Variants in AEBP2 observed in about 807,000 individuals in gnomAD.
AEBP2 encodes the protein zinc finger protein AEBP2.
A neutral mutation model predicts 50.8 loss-of-function variants in AEBP2; 10 were observed. That is an observed-to-expected ratio of 0.20 (90% CI 0.12 to 0.33). The LOEUF is 0.33. Among genes scored for constraint, AEBP2 ranks in the 10% least tolerant of loss-of-function variants. The pLI, the probability that AEBP2 is intolerant of heterozygous loss-of-function variation, is 1.00. For missense variants in AEBP2, 570 were observed against 688.0 expected (o/e 0.83, Z 1.92); for synonymous variants, 296 against 261.3 (o/e 1.13, Z -1.28).
chr12:19,439,583 C>T lies in AEBP2; in HGVS notation c.-117C>T. 7.4e-7 allele frequency: 1 copy of T among 1,359,972 alleles called. No individual in the cohort carries two copies. The highest frequency in any genetic ancestry group is 9.7e-7 in the Non-Finnish European group (1 of 1,025,910). The allele number at this position is 1,359,972 out of a possible 1,614,324, so 84.2% of individuals were successfully genotyped here. A position where few individuals can be genotyped will look rare whatever the true frequency, so the allele number is the denominator to read the frequency against. On this transcript the variant is annotated 5_prime_UTR_variant, in exon 1 of 8. Coordinates refer to ENST00000266508, the MANE Select transcript of AEBP2 (RefSeq NM_153207.5). Reference sequence around the variant, plus strand: ...CTGACGCAGCTCGCGGGCCCTCCTCCTGCTCTGCAGCGGCGTCGGCGGAGT... The same window carrying T: ...CTGACGCAGCTCGCGGGCCCTCCTCTTGCTCTGCAGCGGCGTCGGCGGAGT...
At chr12:19,412,686 G>A (rs181700608) in intron 1 of AEBP2, among the ~76,000 whole-genome samples, 1 of 152,100 alleles carries the variant, frequency 6.6e-6, no homozygotes, top group African/African-American at 2.4e-5. Flanking sequence ...CTCCTGCCTC[G>A]GCCTCGCAAA....
At chr12:19,435,565 T>C (rs1170902518), upstream of AEBP2, among the ~76,000 whole-genome samples, 1 of 152,108 alleles carries the variant, frequency 6.6e-6, no homozygotes, top group Non-Finnish European at 1.5e-5. Context: ...TTCATGTCCT[T>C]CTTCAATCTA....
rs1948598786 is a variant in AEBP2 at position 19,473,362 on chromosome 12, A to T, written c.987+7A>T. 4 of 1,159,138 alleles carry T rather than the reference A, an allele frequency of 3.5e-6. No individual in the cohort carries two copies. In the South Asian group the frequency reaches 6.7e-5, roughly 19 times the overall value. 71.8% of individuals were successfully genotyped at this position (1,159,138 alleles called of 1,614,324 possible). On this transcript the variant is annotated splice_region_variant and intron_variant, in intron 3 of 7. Transcript: ENST00000266508. The stretch of plus-strand genomic sequence containing the variant: ...TGGAGACAAACCTTTCAAGGTAAGG[A>T]TGCATGTATATAAAATTTATTTATT...
At chr12:19,433,907 C>T (rs376837640) in intron 1 of AEBP2, among the ~76,000 whole-genome samples, 5 of 151,854 alleles carry the variant, frequency 3.3e-5, no homozygotes, top group South Asian at 2.1e-4. Flanking sequence ...AGTGTAGTGG[C>T]GCGATCTCGG....
chr12:19,440,645 T>A (rs190801063), intron 1 of AEBP2: 3 of 1,529,272 alleles, frequency 2.0e-6, no homozygotes, highest in Non-Finnish European at 2.6e-6. Context: ...AGGACGGCTC[T>A]AACTCGGAAA....
At chr12:19,455,434 A>C (rs1948251408) in intron 1 of AEBP2, among the ~76,000 whole-genome samples, 1 of 152,204 alleles carries the variant, frequency 6.6e-6, no homozygotes, top group Admixed American at 6.5e-5. Context: ...AGTTACTTTA[A>C]GACCATAGTT....
rs542762646 is a variant in AEBP2, at chr12:19,520,568, T to A, written c.*2451T>A. ...ATTTTAATTTGTGGTTTTCATTTAT[T>A]AATGTCTGCCCATCTGTATTGTTGC... On this transcript the variant is annotated 3_prime_UTR_variant, in exon 8 of 8. Coordinates refer to ENST00000266508, the MANE Select transcript of AEBP2 (RefSeq NM_153207.5). The A allele has an allele frequency of 6.6e-6, 1 of 152,350 alleles. No homozygotes were observed. Among genetic ancestry groups the A allele is most frequent in the South Asian group, 2.1e-4 (1 of 4,828 alleles). 9.4% of individuals were successfully genotyped at this position (152,350 alleles called of 1,614,324 possible). A position where few individuals can be genotyped will look rare whatever the true frequency, so the allele number is the denominator to read the frequency against.
chr12:19,466,854 A>G (rs1948485539), intron 2 of AEBP2: 1 of 931,292 alleles, frequency 1.1e-6, no homozygotes, highest in Non-Finnish European at 1.3e-6. Flanking sequence ...TGGAGCAGTA[A>G]GTTAGCAAGA....
At chr12:19,494,044 C>G (rs1001357161) in intron 4 of AEBP2, 58 bp downstream of exon 4, 1 of 1,486,552 alleles carries the variant, frequency 6.7e-7, no homozygotes. Flanking sequence ...ATATCTTAGA[C>G]TTTTATGCAA....
At chr12:19,491,229 A>C (rs1056838872) in intron 3 of AEBP2, among the ~76,000 whole-genome samples, 26 of 152,304 alleles carry the variant, frequency 1.7e-4, no homozygotes, top group Admixed American at 1.6e-3. Flanking sequence ...TAAATATAGA[A>C]ATCATTAAAT....
intron 5 of AEBP2, among the ~76,000 whole-genome samples, chr12:19,510,400 A>G (rs909596885): frequency 6.6e-6 from 1 of 152,150 alleles, no homozygotes; most frequent in Non-Finnish European, 1.5e-5. Flanking sequence ...CATGTGTCCT[A>G]TGTATAATTG....
chr12:19,427,897 T>A (rs1299143348), intron 1 of AEBP2, among the ~76,000 whole-genome samples: 2 of 152,118 alleles, frequency 1.3e-5, no homozygotes, highest in Non-Finnish European at 2.9e-5. Flanking sequence ...TTACCTGCAC[T>A]AATTAGGATT....
intron 4 of AEBP2, among the ~76,000 whole-genome samples, chr12:19,495,029 C>A (rs958751038): frequency 2.0e-5 from 3 of 152,112 alleles, no homozygotes; most frequent in Non-Finnish European, 4.4e-5. Context: ...TCTCAGCCTT[C>A]CGAGCAGCTG....
chr12:19,484,804 G>A (rs1168363392), intron 3 of AEBP2, among the ~76,000 whole-genome samples: 1 of 152,018 alleles, frequency 6.6e-6, no homozygotes, highest in African/African-American at 2.4e-5. Flanking sequence ...AAAAATGAAG[G>A]AGGTAGTAAA....
chr12:19,511,016 G>A (rs993671974), intron 5 of AEBP2, among the ~76,000 whole-genome samples: 2 of 151,648 alleles, frequency 1.3e-5, no homozygotes, highest in Non-Finnish European at 2.9e-5. Flanking sequence ...CTAATTTTTT[G>A]TATTGAGACA....
intron 3 of AEBP2, among the ~76,000 whole-genome samples, chr12:19,475,380 G>T (rs1948632469): frequency 6.6e-6 from 1 of 151,916 alleles, no homozygotes. Context: ...CTCCATCCAG[G>T]TTTCTGTGAA....
intron 2 of AEBP2, among the ~76,000 whole-genome samples, chr12:19,464,839 C>G (rs1160772052): frequency 1.3e-5 from 2 of 151,908 alleles, no homozygotes; most frequent in Non-Finnish European, 2.9e-5. Context: ...ATCCACCCGC[C>G]TCGGCCTCCC....
chr12:19,490,524 G>C (rs923940059), intron 3 of AEBP2, among the ~76,000 whole-genome samples: 1 of 151,244 alleles, frequency 6.6e-6, no homozygotes, highest in Non-Finnish European at 1.5e-5. Context: ...TTACAGGCTT[G>C]TGCCACCATG....
chr12:19,436,148 T>TGGTCA (rs1243819397), upstream of AEBP2, among the ~76,000 whole-genome samples: 1 of 152,226 alleles, frequency 6.6e-6, no homozygotes, highest in Non-Finnish European at 1.5e-5. Flanking sequence ...AAGTGACCTC[T>TGGTCA]GGTCATCGTA....
Sources: allele counts gnomAD v4.1 joint callset (sites outside exome capture counted in the v4.1 genomes callset), GRCh38; gene constraint gnomAD v4.1.1; transcripts MANE v1.5; gene names NCBI Gene and HGNC (gene_info 2026-07-23, HGNC 2026-07-21).